Variants in ING5 observed in about 807,000 individuals in gnomAD.
The protein encoded by ING5 is inhibitor of growth protein 5.
A neutral mutation model predicts 37.4 loss-of-function variants in ING5; 17 were observed. The observed-to-expected ratio is 0.45, with a 90% CI of 0.31 to 0.68. The LOEUF (loss-of-function observed/expected upper bound fraction) is 0.68. Among genes scored for constraint, ING5 ranks in the 30% least tolerant of loss-of-function variants. The pLI is 0.05. For missense variants in ING5, 233 were observed against 311.9 expected (o/e 0.75, Z 1.91); for synonymous variants, 123 against 116.6 (o/e 1.06, Z -0.36).
At chr2:241,711,692 G>C (rs2070115813) in intron 4 of ING5, 4 of 574,360 alleles carry the variant, frequency 7.0e-6, no homozygotes, top group African/African-American at 1.9e-5. Flanking sequence ...CTTGAGGCTA[G>C]GAGTTTGAGA....
chr2:241,691,669 G>A (rs571054519), intron 2 of ING5, among the ~76,000 whole-genome samples: 2 of 152,288 alleles, frequency 1.3e-5, no homozygotes, highest in East Asian at 1.9e-4. Flanking sequence ...GGTACGGGCT[G>A]TCTTTTAGAG....
At chr2:241,712,190 T>G in intron 5 of ING5, 119 bp downstream of exon 5, 1 of 835,084 alleles carries the variant, frequency 1.2e-6, no homozygotes, top group Admixed American at 2.9e-5. Flanking sequence ...CGGGTGGTAT[T>G]CTGATTCTTA....
At chr2:241,701,871 G>A (rs1326085014), upstream of ING5, among the ~76,000 whole-genome samples, 2 of 151,520 alleles carry the variant, frequency 1.3e-5, no homozygotes, top group South Asian at 2.1e-4. Context: ...GCTGCCCGAC[G>A]CCGCTGCCAC....
chr2:241,694,077 G>A (rs1169920315), intron 2 of ING5: 1 of 151,746 alleles, frequency 6.6e-6, no homozygotes, highest in East Asian at 1.9e-4. Context: ...ATATGTGAGG[G>A]CCAATAACCC....
chr2:241,704,342 C>T (rs1427338055), intron 1 of ING5, among the ~76,000 whole-genome samples: 10 of 152,072 alleles, frequency 6.6e-5, no homozygotes, highest in Admixed American at 2.6e-4. Context: ...CCGAGGTGGG[C>T]GGATCACCTG....
intron 5 of ING5, chr2:241,721,183 G>GC: frequency 1.0e-6 from 1 of 985,636 alleles, no homozygotes; most frequent in Admixed American, 6.1e-5. Context: ...GACCGCAGGA[G>GC]CCCCTTGGAG....
At chr2:241,705,776 C>T (rs1047704167) in intron 2 of ING5, among the ~76,000 whole-genome samples, 2 of 152,122 alleles carry the variant, frequency 1.3e-5, no homozygotes, top group African/African-American at 2.4e-5. Flanking sequence ...CAGTTTTAGA[C>T]GTTGTTCAGA....
chr2:241,713,669 C>G (rs2070186005), intron 5 of ING5, among the ~76,000 whole-genome samples: 2 of 151,480 alleles, frequency 1.3e-5, no homozygotes, highest in African/African-American at 4.8e-5. Flanking sequence ...CTGTGCCCAG[C>G]CCCAATTTTC....
chr2:241,723,779 G>A, intron 7 of ING5: 1 of 1,598,272 alleles, frequency 6.3e-7, no homozygotes, highest in Middle Eastern at 1.7e-4. Flanking sequence ...TTTCTGCATT[G>A]TTGTTCCTCA....
At chr2:241,723,336 CAGG>C in intron 7 of ING5, 65 bp downstream of exon 7, 1 of 1,531,554 alleles carries the variant, frequency 6.5e-7, no homozygotes. Flanking sequence ...CTGGCCTCCC[CAGG>C]AGAAGGTGCT....
intron 1 of ING5, chr2:241,689,805 C>G (rs1052499117): frequency 6.6e-6 from 1 of 152,154 alleles, no homozygotes; most frequent in African/African-American, 2.4e-5. Flanking sequence ...TGATTGATGT[C>G]TCCTTATAAA....
chr2:241,708,499 G>A (rs1254213397), intron 2 of ING5, among the ~76,000 whole-genome samples: 2 of 152,174 alleles, frequency 1.3e-5, no homozygotes, highest in East Asian at 1.9e-4. Flanking sequence ...GAGCCACCAC[G>A]CCTGGCCTAG....
At chr2:241,704,855 G>A (rs1357289236) in intron 2 of ING5, 131 bp downstream of exon 2, 1 of 731,368 alleles carries the variant, frequency 1.4e-6, no homozygotes, top group African/African-American at 1.7e-5. Context: ...CCTGGGCCGT[G>A]GGTATCACTC....
intron 5 of ING5, chr2:241,720,469 G>T (rs1452109391): frequency 3.9e-6 from 4 of 1,022,770 alleles, no homozygotes; most frequent in African/African-American, 1.7e-5. Context: ...TCCGTGTCTC[G>T]TCTGAGATCC....
chr2:241,703,768 G>A (rs2069815752), intron 1 of ING5, among the ~76,000 whole-genome samples: 1 of 151,956 alleles, frequency 6.6e-6, no homozygotes, highest in Non-Finnish European at 1.5e-5. Context: ...ACCACGCCTG[G>A]ATAATTTTTG....
intron 7 of ING5, chr2:241,723,753 C>T (rs973054356): frequency 6.3e-7 from 1 of 1,597,924 alleles, no homozygotes; most frequent in African/African-American, 1.3e-5. Context: ...CCTTGCATCC[C>T]CTTGGCAATG....
upstream of ING5, among the ~76,000 whole-genome samples, chr2:241,701,462 G>A (rs1184542870): frequency 6.6e-6 from 1 of 152,230 alleles, no homozygotes; most frequent in Non-Finnish European, 1.5e-5. Flanking sequence ...GGAAGGGGCG[G>A]CGTTGGCGGG....
chr2:241,721,492 G>A (rs557614145), intron 5 of ING5: 2 of 985,606 alleles, frequency 2.0e-6, no homozygotes, highest in South Asian at 4.7e-5. Flanking sequence ...CCGAGTGTGT[G>A]TGTATGTGTA....
chr2:241,701,842 G>A (rs1447670996), upstream of ING5, among the ~76,000 whole-genome samples: 1 of 152,042 alleles, frequency 6.6e-6, no homozygotes, highest in Non-Finnish European at 1.5e-5. Flanking sequence ...CCGATCCGCT[G>A]CGGCCCTGGG....
Sources: gnomAD v4.1 joint callset for allele counts (sites outside exome capture counted in the v4.1 genomes callset) on GRCh38, gnomAD v4.1.1 for gene constraint, MANE v1.5 for transcripts, NCBI Gene and HGNC (gene_info 2026-07-23, HGNC 2026-07-21) for gene names.